CROT: variants seen among roughly 807,000 people sequenced by gnomAD.
CROT encodes carnitine O-octanoyltransferase.
Under a neutral mutation model 89.2 loss-of-function variants are expected in CROT, and 84 were observed. That is an observed-to-expected ratio of 0.94 (90% CI 0.79 to 1.13). CROT has a LOEUF of 1.13. Among genes scored for constraint, CROT ranks in the 50% most tolerant of loss-of-function variants. The pLI is 0.00. For missense variants in CROT, 711 were observed against 727.8 expected (o/e 0.98, Z 0.27); for synonymous variants, 212 against 239.5 (o/e 0.89, Z 1.06).
chr7:87,348,252 C>T (rs6943711), intron 2 of CROT, among the ~76,000 whole-genome samples: 7,574 of 151,536 alleles, frequency 0.05, 455 homozygotes, highest in African/African-American at 0.14. Context: ...CTTTGAGAAA[C>T]CTCATTTTTT....
chr7:87,349,216 T>C, intron 3 of CROT, 33 bp downstream of exon 3: 1 of 1,074,012 alleles, frequency 9.3e-7, no homozygotes, highest in South Asian at 1.7e-5. Context: ...TATATTAATA[T>C]TATTAGTAAC....
intron 13 of CROT, among the ~76,000 whole-genome samples, chr7:87,387,969 G>A (rs1807233792): frequency 6.6e-6 from 1 of 152,164 alleles, no homozygotes; most frequent in South Asian, 2.1e-4. Context: ...TAGGACTGGA[G>A]CTGGGTTAAA....
chr7:87,361,061 T>C (rs1375773899), intron 4 of CROT, among the ~76,000 whole-genome samples: 2 of 152,076 alleles, frequency 1.3e-5, no homozygotes, highest in Non-Finnish European at 2.9e-5. Context: ...CTTGAACTCC[T>C]GGGCTCAGGT....
chr7:87,390,121 G>A (rs1807313279), intron 13 of CROT, among the ~76,000 whole-genome samples: 1 of 152,092 alleles, frequency 6.6e-6, no homozygotes, highest in Non-Finnish European at 1.5e-5. Context: ...ATGTTGCTCA[G>A]TCTCCTGTAT....
chr7:87,358,116 C>T (rs559055636), intron 3 of CROT, among the ~76,000 whole-genome samples: 2 of 152,218 alleles, frequency 1.3e-5, no homozygotes, highest in Admixed American at 6.5e-5. Context: ...TTTATCTAGA[C>T]TTGTAATAAA....
chr7:87,381,954 T>G lies in CROT; in HGVS notation c.1023T>G (p.Tyr341Ter). Residue 341 changes from tyrosine (Y) to a stop codon, truncating the protein, a stop_gained, in exon 11 of 18, where the codon TAT becomes TAG. Coordinates refer to ENST00000331536, the MANE Select transcript of CROT (RefSeq NM_021151.4). LOFTEE classifies it high-confidence loss of function. ...TGATTATGGTGAACATCAGTTATTA[T>G]GTGGATGAGAAAATTTTTCAGAATG... is the stretch of plus-strand genomic sequence containing the variant. ...DAMIMVNISY[Y>*]VDEKIFQNEG... 6.2e-7 allele frequency: 1 copy of G among 1,611,274 alleles called. No homozygotes were observed. The highest frequency in any genetic ancestry group is 2.2e-5 in the East Asian group (1 of 44,734).
At chr7:87,351,966 T>A (rs1805881468) in intron 3 of CROT, among the ~76,000 whole-genome samples, 2 of 152,246 alleles carry the variant, frequency 1.3e-5, no homozygotes, top group Admixed American at 1.3e-4. Context: ...TTGCCTTACG[T>A]GATCTTAGAT....
intron 4 of CROT, 37 bp downstream of exon 4, chr7:87,359,367 A>C (rs1305447610): frequency 6.5e-7 from 1 of 1,545,832 alleles, no homozygotes; most frequent in African/African-American, 1.4e-5. Flanking sequence ...ATGATGTTTA[A>C]AGAATGATAA....
At chr7:87,351,308 C>CAAAAAAA (rs11295263) in intron 3 of CROT, among the ~76,000 whole-genome samples, 17 of 67,502 alleles carry the variant, frequency 2.5e-4, no homozygotes, top group Non-Finnish European at 2.9e-4. Flanking sequence ...GACTCCATCT[C>CAAAAAAA]AAAAAAAAAA....
intron 13 of CROT, among the ~76,000 whole-genome samples, chr7:87,382,962 A>G (rs1465413904): frequency 6.6e-6 from 1 of 152,198 alleles, no homozygotes; most frequent in East Asian, 1.9e-4. Flanking sequence ...GAAGTCCCTC[A>G]ATGTTGCTTT....
chr7:87,387,993 G>A (rs1358693579), intron 13 of CROT, among the ~76,000 whole-genome samples: 4 of 152,146 alleles, frequency 2.6e-5, no homozygotes, highest in African/African-American at 9.7e-5. Flanking sequence ...CTGCTTCTGT[G>A]TCCACAGTCA....
chr7:87,378,115 A>G (rs1383664784), intron 10 of CROT, among the ~76,000 whole-genome samples: 1 of 152,028 alleles, frequency 6.6e-6, no homozygotes, highest in East Asian at 1.9e-4. Flanking sequence ...AGGCCAAGGC[A>G]GGTGAATCAC....
intron 3 of CROT, among the ~76,000 whole-genome samples, chr7:87,356,228 A>G (rs147318205): frequency 1.6e-4 from 24 of 152,318 alleles, no homozygotes; most frequent in African/African-American, 5.5e-4. Flanking sequence ...CCCATATTAT[A>G]AACATTTCTT....
At chr7:87,379,117 G>A (rs1269056455) in intron 10 of CROT, among the ~76,000 whole-genome samples, 1 of 152,088 alleles carries the variant, frequency 6.6e-6, no homozygotes, top group African/African-American at 2.4e-5. Flanking sequence ...ACTACCCTTT[G>A]TAAGGTGGTT....
At chr7:87,376,335 C>T (rs567299352) in intron 9 of CROT, among the ~76,000 whole-genome samples, 1 of 152,110 alleles carries the variant, frequency 6.6e-6, no homozygotes, top group East Asian at 1.9e-4. Context: ...ATCTTGACAC[C>T]ATAGTTGGGA....
chr7:87,361,350 T>C, intron 4 of CROT, 40 bp from the exon 5 acceptor site: 4 of 1,558,582 alleles, frequency 2.6e-6, no homozygotes, highest in Non-Finnish European at 3.5e-6. Context: ...CATTCATGTA[T>C]TATGAAGAAC....
chr7:87,388,037 G>A (rs1190787268), intron 13 of CROT, among the ~76,000 whole-genome samples: 1 of 152,154 alleles, frequency 6.6e-6, no homozygotes, highest in African/African-American at 2.4e-5. Flanking sequence ...TTACTGGGGA[G>A]CAGGTGGGTG....
Position 87,399,060 on chromosome 7 carries a change from G to A in CROT, c.*416G>A. ...ACTTTAATTTTTTTAGCTGCCAAAG[G>A]GTATGAATTACATTATTGTATGCTA... On this transcript the variant is annotated 3_prime_UTR_variant, in exon 18 of 18. Coordinates refer to ENST00000331536, the MANE Select transcript of CROT (RefSeq NM_021151.4). 5.8e-6 allele frequency: 1 copy of A among 172,010 alleles called. No individual in the cohort carries two copies. Among genetic ancestry groups the A allele is most frequent in the Non-Finnish European group, 1.2e-5 (1 of 80,904 alleles). The allele number at this position is 172,010 out of a possible 1,614,324, so 10.7% of individuals were successfully genotyped here.
chr7:87,346,684 T>C (rs1805691139), intron 2 of CROT, among the ~76,000 whole-genome samples: 1 of 152,250 alleles, frequency 6.6e-6, no homozygotes, highest in Admixed American at 6.5e-5. Context: ...ATGTAACTAA[T>C]ACTCTTGCTT....
Sources: allele counts gnomAD v4.1 joint callset (sites outside exome capture counted in the v4.1 genomes callset), GRCh38; gene constraint gnomAD v4.1.1; transcripts MANE v1.5; gene names NCBI Gene and HGNC (gene_info 2026-07-23, HGNC 2026-07-21).